The following PODXL variants were observed in gnomAD, a reference collection of about 807,000 sequenced individuals.
PODXL encodes the protein podocalyxin like, also known as podocalyxin.
PODXL carries 20 observed loss-of-function variants against 48.9 expected under a neutral mutation model. That is an observed-to-expected ratio of 0.41 (90% confidence interval 0.29 to 0.59). The LOEUF is 0.59. PODXL is among the 20% of genes least tolerant of loss of function. PODXL has a pLI of 0.31. For missense variants in PODXL, 606 were observed against 675.1 expected (o/e 0.90, Z 1.13); for synonymous variants, 295 against 287.4 (o/e 1.03, Z -0.27).
At position 131,503,305 on chromosome 7, in the gene PODXL, T is replaced by C. The variant is rs946258157; in HGVS notation, c.*1006A>G. 1 of 152,576 alleles carries C rather than the reference T, an allele frequency of 6.6e-6. No homozygotes were observed. Among genetic ancestry groups the C allele is most frequent in the Non-Finnish European group, 1.5e-5 (1 of 68,062 alleles). The allele number at this position is 152,576 out of a possible 1,614,324, so 9.5% of individuals were successfully genotyped here. On this transcript the variant is annotated 3_prime_UTR_variant, in exon 9 of 9. Transcript: ENST00000378555. The stretch of plus-strand genomic sequence containing the variant: ...CTCTTTCATACTGGGTCTCAGGGAA[T>C]CACTCCCATCAGCTGAGCAGTGAAC...
intron 1 of PODXL, among the ~76,000 whole-genome samples, chr7:131,546,256 T>TG (rs1798573831): frequency 6.6e-6 from 1 of 152,230 alleles, no homozygotes; most frequent in South Asian, 2.1e-4. Context: ...AAAGGGAGAC[T>TG]GGGATCCCAG....
intron 1 of PODXL, among the ~76,000 whole-genome samples, chr7:131,517,295 C>T (rs1798014706): frequency 6.6e-6 from 1 of 152,142 alleles, no homozygotes; most frequent in South Asian, 2.1e-4. Context: ...GTAGTGATCG[C>T]AATGGTCTAA....
chr7:131,524,157 A>G (rs1562909547), intron 1 of PODXL, among the ~76,000 whole-genome samples: 2 of 139,730 alleles, frequency 1.4e-5, no homozygotes, highest in African/African-American at 6.4e-5. Flanking sequence ...AAAACCTTTC[A>G]GCAAACCAGG....
At chr7:131,544,870 A>G (rs1798547197) in intron 1 of PODXL, among the ~76,000 whole-genome samples, 1 of 152,186 alleles carries the variant, frequency 6.6e-6, no homozygotes, top group African/African-American at 2.4e-5. Flanking sequence ...TGACAGCATG[A>G]AGGTGGATGA....
intron 1 of PODXL, among the ~76,000 whole-genome samples, chr7:131,521,028 C>T (rs572800075): frequency 1.3e-3 from 195 of 152,048 alleles, no homozygotes; most frequent in African/African-American, 4.5e-3. Context: ...ATTAGCCGGG[C>T]GTGGTGGCAG....
In PODXL at chr7:131,556,269, AGGGC is replaced by A; in HGVS notation, c.87_90del (p.Ser31ArgfsTer135). 1 of 1,449,746 alleles carries A rather than the reference AGGGC, an allele frequency of 6.9e-7. No homozygotes were observed. Among genetic ancestry groups the A allele is most frequent in the Non-Finnish European group, 9.0e-7 (1 of 1,111,068 alleles). The allele number at this position is 1,449,746 out of a possible 1,614,324, so 89.8% of individuals were successfully genotyped here. On this transcript the variant is annotated frameshift_variant, in exon 1 of 9. Transcript: ENST00000378555. LOFTEE classifies it high-confidence loss of function. The stretch of plus-strand genomic sequence containing the variant: ...CAGGCCGGCCACTCACCATTCTGGG[AGGGC>A]GACGGCGACGGCGACGGCGACGACG...
At position 131,521,639 on chromosome 7, in the gene PODXL, A is replaced by AT. The variant is rs541598748; in HGVS notation, c.101-10207_101-10206insA. ...TGAGCCACCACACCCAGCTGATTAAAGACAATTTTCAAATGAATTTCTAAA... is the reference window on the plus strand; with the variant it reads ...TGAGCCACCACACCCAGCTGATTAAATGACAATTTTCAAATGAATTTCTAAA... On this transcript the variant is annotated intron_variant, in intron 1 of 8. Coordinates refer to ENST00000378555, the MANE Select transcript of PODXL (RefSeq NM_001018111.3). Among the ~76,000 whole-genome samples, 29 of 152,314 alleles carry AT rather than the reference A, an allele frequency of 1.9e-4. No individual in the cohort carries two copies. In the South Asian group the frequency reaches 5.2e-3, roughly 27 times the overall value.
chr7:131,548,366 T>G (rs1352729639), intron 1 of PODXL, among the ~76,000 whole-genome samples: 2 of 152,260 alleles, frequency 1.3e-5, no homozygotes, highest in African/African-American at 4.8e-5. Flanking sequence ...GGTAGGCACT[T>G]GGGTGCCTGA....
chr7:131,508,867 C>T, intron 5 of PODXL, 84 bp downstream of exon 5: 1 of 985,818 alleles, frequency 1.0e-6, no homozygotes, highest in Non-Finnish European at 1.6e-6. Context: ...TAAAAATGCA[C>T]CTAGAAAGAA....
In PODXL at chr7:131,504,053, C is replaced by A; in HGVS notation, c.*258G>T. 1 of 535,238 alleles carries A rather than the reference C, an allele frequency of 1.9e-6. No individual in the cohort carries two copies. Among genetic ancestry groups the A allele is most frequent in the Non-Finnish European group, 3.4e-6 (1 of 297,810 alleles). 33.2% of individuals were successfully genotyped at this position (535,238 alleles called of 1,614,324 possible). On this transcript the variant is annotated 3_prime_UTR_variant, in exon 9 of 9. Coordinates refer to ENST00000378555, the MANE Select transcript of PODXL (RefSeq NM_001018111.3). Reference sequence around the variant, plus strand: ...ACTAGTTCATCTATAAAGTCCCTTACGTGGCTTTTTCTTGATCTCCCTCAT... The same window carrying A: ...ACTAGTTCATCTATAAAGTCCCTTAAGTGGCTTTTTCTTGATCTCCCTCAT...
chr7:131,512,964 C>G (rs1797938020), intron 1 of PODXL, among the ~76,000 whole-genome samples: 1 of 139,584 alleles, frequency 7.2e-6, no homozygotes, highest in African/African-American at 2.7e-5. Flanking sequence ...CACTGCACTT[C>G]AGCCTGGGCG....
intron 1 of PODXL, among the ~76,000 whole-genome samples, chr7:131,547,143 T>A (rs978809047): frequency 3.3e-5 from 5 of 152,010 alleles, no homozygotes; most frequent in African/African-American, 9.7e-5. Context: ...GGGAGGCTGA[T>A]TAGGCGGATC....
chr7:131,505,638 TA>T (rs1324833256), intron 8 of PODXL, among the ~76,000 whole-genome samples: 4 of 151,912 alleles, frequency 2.6e-5, no homozygotes, highest in African/African-American at 9.7e-5. Context: ...AATAATAAAA[TA>T]AAAAATAAAT....
chr7:131,509,428 T>G lies in PODXL; in HGVS notation c.960A>C (p.Ala320=), dbSNP rs1263955943. ...TGGGGTATCGGTGGGTAGTTGATGCTGCTGTGGGGCTGGAGCTCATGGTCT... is the reference window on the plus strand; with the variant it reads ...TGGGGTATCGGTGGGTAGTTGATGCGGCTGTGGGGCTGGAGCTCATGGTCT... ...LPETMSSSPT[A]ASTTHRYPKT... Residue 320 remains alanine, a synonymous_variant, in exon 4 of 9, where the codon GCA becomes GCC. Transcript: ENST00000378555. 1.2e-6 allele frequency: 2 copies of G among 1,614,008 alleles called. No homozygotes were observed. The highest frequency in any genetic ancestry group is 1.7e-6 in the Non-Finnish European group (2 of 1,180,028).
intron 1 of PODXL, among the ~76,000 whole-genome samples, chr7:131,536,209 T>C (rs1486776897): frequency 6.6e-6 from 1 of 152,128 alleles, no homozygotes; most frequent in Non-Finnish European, 1.5e-5. Context: ...CAAAGGAAAA[T>C]ACCTAAGCTG....
chr7:131,551,151 C>G (rs1359594401), intron 1 of PODXL, among the ~76,000 whole-genome samples: 1 of 152,188 alleles, frequency 6.6e-6, no homozygotes, highest in Admixed American at 6.5e-5. Flanking sequence ...ATAGAGAATG[C>G]CCCCGTCATT....
chr7:131,522,219 G>C (rs898352273), intron 1 of PODXL, among the ~76,000 whole-genome samples: 1 of 152,244 alleles, frequency 6.6e-6, no homozygotes, highest in Non-Finnish European at 1.5e-5. Flanking sequence ...GGGAGGTCAA[G>C]GTGGGTAGAT....
rs544663766 is a variant in PODXL, at chr7:131,510,217, C to T, written c.802+19G>A. On this transcript the variant is annotated intron_variant, in intron 3 of 8. Transcript: ENST00000378555. ...AGTAAGTAAGTAAACAGGTATCGGC[C>T]GGGCATGGTGGCTCATACCTGTAAT... The T allele has an allele frequency of 5.4e-5, 24 of 446,080 alleles. No homozygotes were observed. Among genetic ancestry groups the T allele is most frequent in the South Asian group, 3.1e-4 (20 of 63,828 alleles). 27.6% of individuals were successfully genotyped at this position (446,080 alleles called of 1,614,324 possible).
chr7:131,546,289 G>A (rs956648898), intron 1 of PODXL, among the ~76,000 whole-genome samples: 1 of 152,148 alleles, frequency 6.6e-6, no homozygotes, highest in African/African-American at 2.4e-5. Flanking sequence ...GTGTACAGTG[G>A]GCGTGTCCAG....
Sources: allele counts gnomAD v4.1 joint callset (sites outside exome capture counted in the v4.1 genomes callset), GRCh38; gene constraint gnomAD v4.1.1; transcripts MANE v1.5; gene names NCBI Gene and HGNC (gene_info 2026-07-23, HGNC 2026-07-21).